The following AVPR2 variants were observed in gnomAD, a reference collection of about 807,000 sequenced individuals.
AVPR2 encodes arginine vasopressin receptor 2.
In AVPR2, 3 loss-of-function variants were observed where a neutral mutation model predicts 12.0. The ratio of observed to expected loss-of-function variants is 0.25; its 90% confidence interval spans 0.11 to 0.64. The LOEUF is 0.64. Among genes scored for constraint, AVPR2 ranks in the 30% least tolerant of loss-of-function variants. AVPR2 has a pLI of 0.84. For missense variants in AVPR2, 279 were observed against 347.9 expected (o/e 0.80, Z 1.58); for synonymous variants, 143 against 147.5 (o/e 0.97, Z 0.22).
rs1329408944 is a variant in AVPR2 at position 153,907,040 on chromosome X, G to T, written c.*312G>T. On this transcript the variant is annotated 3_prime_UTR_variant, in exon 4 of 4. Transcript: ENST00000646375. ...AAAGAGGGAGCAGGTGCCCCCAGGT[G>T]AGACAGCGGTCCCAGGGGCCTGAAA... 4.5e-6 allele frequency: 2 copies of T among 449,121 alleles called. No individual in the cohort carries two copies. Among genetic ancestry groups the T allele is most frequent in the Non-Finnish European group, 8.1e-6 (2 of 246,683 alleles). 37.0% of individuals were successfully genotyped at this position (449,121 alleles called of 1,213,427 possible).
In AVPR2 at chrX:153,905,120, C is replaced by A; in HGVS notation, c.-26C>A. The A allele has an allele frequency of 8.2e-7, 1 of 1,212,225 alleles. No homozygotes were observed. Among genetic ancestry groups the A allele is most frequent in the South Asian group, 1.8e-5 (1 of 57,033 alleles). ...TGAGTCCGCACATCACCTCCAGGCC[C>A]TCAGAACACCTGCCCCAGCCCCACC... On this transcript the variant is annotated 5_prime_UTR_variant, in exon 2 of 4. Coordinates refer to ENST00000646375, the MANE Select transcript of AVPR2 (RefSeq NM_000054.7).
chrX:153,903,841 G>C (rs1312368738), upstream of AVPR2, among the ~76,000 whole-genome samples: 1 of 107,018 alleles, frequency 9.3e-6, no homozygotes, highest in Non-Finnish European at 1.9e-5. Flanking sequence ...GGCTGGCCTC[G>C]GCTGAGCCAA....
Position 153,907,040 on chromosome X carries a change from G to C in AVPR2, c.*312G>C. On this transcript the variant is annotated 3_prime_UTR_variant, in exon 4 of 4. Transcript: ENST00000646375. ...AAAGAGGGAGCAGGTGCCCCCAGGT[G>C]AGACAGCGGTCCCAGGGGCCTGAAA... 2.2e-6 allele frequency: 1 copy of C among 450,556 alleles called. No individual in the cohort carries two copies. The highest frequency in any genetic ancestry group is 4.0e-6 in the Non-Finnish European group (1 of 246,952). The allele number at this position is 450,556 out of a possible 1,213,427, so 37.1% of individuals were successfully genotyped here.
At position 153,905,184 on chromosome X, in the gene AVPR2, C is replaced by A. The variant is rs2064953980; in HGVS notation, c.25+14C>A. ...CCACCACTTCCGGTAAGGCTTGCCCCTCCATGAGTCCGGTGGGCAGAGTGG... is the reference window on the plus strand; with the variant it reads ...CCACCACTTCCGGTAAGGCTTGCCCATCCATGAGTCCGGTGGGCAGAGTGG... On this transcript the variant is annotated intron_variant, in intron 2 of 3. Coordinates refer to ENST00000646375, the MANE Select transcript of AVPR2 (RefSeq NM_000054.7). 8.3e-7 allele frequency: 1 copy of A among 1,211,821 alleles called. No homozygotes were observed. The highest frequency in any genetic ancestry group is 1.1e-6 in the Non-Finnish European group (1 of 895,228).
upstream of AVPR2, among the ~76,000 whole-genome samples, chrX:153,903,418 T>TGGTGTGCAGGTGCATGCAGGTGC (rs1557099804): frequency 2.8e-5 from 3 of 105,577 alleles, no homozygotes; most frequent in Non-Finnish European, 3.9e-5. Flanking sequence ...GCTGTGCGTA[T>TGGTGTGCAGGTGCATGCAGGTGC]GTGGTGTGTA....
At position 153,906,096 on chromosome X, in the gene AVPR2, C is replaced by T. The variant is rs1557100783; in HGVS notation, c.590C>T (p.Ala197Val). ...GTCACTGACTGCTGGGCCTGCTTTG[C>T]GGAGCCCTGGGGCCGTCGCACCTAT... ...SGVTDCWACF[A>V]EPWGRRTYVT... Residue 197 changes from alanine (A) to valine (V), a missense_variant, in exon 3 of 4, where the codon GCG becomes GTG. Ala to Val is a moderately conservative substitution (Grantham distance 64). Coordinates refer to ENST00000646375, the MANE Select transcript of AVPR2 (RefSeq NM_000054.7). 6.6e-6 allele frequency: 8 copies of T among 1,211,093 alleles called. No individual in the cohort carries two copies. Among genetic ancestry groups the T allele is most frequent in the Non-Finnish European group, 7.8e-6 (7 of 895,381 alleles).
chrX:153,905,087 G>T lies in AVPR2; in HGVS notation c.-59G>T. ...CTGGGCCATTGAACTTGCTCCTCAG[G>T]CAGAGGCTGAGTCCGCACATCACCT... is the stretch of plus-strand genomic sequence containing the variant. On this transcript the variant is annotated 5_prime_UTR_variant, in exon 2 of 4. Transcript: ENST00000646375. The T allele has an allele frequency of 8.3e-7, 1 of 1,208,181 alleles. No individual in the cohort carries two copies. Among genetic ancestry groups the T allele is most frequent in the Non-Finnish European group, 1.1e-6 (1 of 892,012 alleles).
Position 153,906,155 on chromosome X carries a change from C to A in AVPR2, c.649C>A (p.Pro217Thr). Residue 217 changes from proline to threonine, a missense_variant, in exon 3 of 4, where the codon CCT becomes ACT. By Grantham distance (38) the Pro-to-Thr change is conservative (BLOSUM62 -1). Transcript: ENST00000646375. The stretch of plus-strand genomic sequence containing the variant: ...GATTGCCCTGATGGTGTTCGTGGCA[C>A]CTACCCTGGGTATCGCCGCCTGCCA... ...TWIALMVFVA[P>T]TLGIAACQVL... is the part of the protein sequence containing the mutation. 1 of 1,212,418 alleles carries A rather than the reference C, an allele frequency of 8.2e-7. No individual in the cohort carries two copies. The highest frequency in any genetic ancestry group is 1.1e-6 in the Non-Finnish European group (1 of 895,611).
Position 153,905,551 on chromosome X carries a change from TCTGCCCAGC to T in AVPR2, c.55_63del (p.Leu19_Ser21del), listed in dbSNP as rs782021693. ...TCCCAGCTGTGCCTGGGCATCCCTCTCTGCCCAGCCTGCCCAGCAACAGCAGCCAGGAGA... is the reference window on the plus strand; with the variant it reads ...TCCCAGCTGTGCCTGGGCATCCCTCTCTGCCCAGCAACAGCAGCCAGGAGA... On this transcript the variant is annotated inframe_deletion, in exon 3 of 4. Coordinates refer to ENST00000646375, the MANE Select transcript of AVPR2 (RefSeq NM_000054.7). 4.2e-6 allele frequency: 5 copies of T among 1,195,218 alleles called. No individual in the cohort carries two copies. The highest frequency in any genetic ancestry group is 5.6e-6 in the Non-Finnish European group (5 of 887,424).
chrX:153,904,107 C>A (rs1181850716), upstream of AVPR2, among the ~76,000 whole-genome samples: 1 of 112,369 alleles, frequency 8.9e-6, no homozygotes, highest in Admixed American at 9.3e-5. Flanking sequence ...AGGTCCCCAG[C>A]CCCTCTTCCT....
At chrX:153,904,821 T>A in intron 1 of AVPR2, 50 bp downstream of exon 1, 1 of 393,702 alleles carries the variant, frequency 2.5e-6, no homozygotes, top group Admixed American at 4.1e-5. Flanking sequence ...AGCCCTCGGA[T>A]GGTGGCCTCT....
chrX:153,905,877 A>T lies in AVPR2; in HGVS notation c.371A>T (p.Tyr124Phe). Residue 124 changes from tyrosine to phenylalanine, a missense_variant, in exon 3 of 4, where the codon TAT becomes TTT. Physicochemically the swap from Tyr to Phe is conservative, Grantham distance 22 (BLOSUM62 3). Transcript: ENST00000646375. ...AVKYLQMVGM[Y>F]ASSYMILAMT... ...AAGTATCTGCAGATGGTGGGCATGTATGCCTCCTCCTACATGATCCTGGCC... is the reference window on the plus strand; with the variant it reads ...AAGTATCTGCAGATGGTGGGCATGTTTGCCTCCTCCTACATGATCCTGGCC... 8.3e-7 allele frequency: 1 copy of T among 1,204,237 alleles called. No individual in the cohort carries two copies. Among genetic ancestry groups the T allele is most frequent in the Non-Finnish European group, 1.1e-6 (1 of 895,574 alleles).
chrX:153,905,971 C>T lies in AVPR2; in HGVS notation c.465C>T (p.His155=). 2 of 1,205,109 alleles carry T rather than the reference C, an allele frequency of 1.7e-6. No individual in the cohort carries two copies. Among genetic ancestry groups the T allele is most frequent in the Non-Finnish European group, 2.2e-6 (2 of 895,662 alleles). Residue 155 remains histidine (H), a synonymous_variant, in exon 3 of 4, where the codon CAC becomes CAT. Transcript: ENST00000646375. ...MLAYRHGSGA[H]WNRPVLVAWA... is the part of the protein sequence containing the mutation. ...CGTACCGCCATGGAAGTGGGGCTCA[C>T]TGGAACCGGCCGGTGCTAGTGGCTT...
At chrX:153,903,700 G>A (rs2064945195), upstream of AVPR2, among the ~76,000 whole-genome samples, 1 of 111,954 alleles carries the variant, frequency 8.9e-6, no homozygotes, top group Non-Finnish European at 1.9e-5. Flanking sequence ...TCTCTGGGCA[G>A]GAAGAGGAGG....
At chrX:153,904,834 C>T (rs900449354) in intron 1 of AVPR2, 63 bp downstream of exon 1, 74 of 405,915 alleles carry the variant, frequency 1.8e-4, no homozygotes, top group Non-Finnish European at 2.1e-4. Flanking sequence ...TGGCCTCTCT[C>T]GGCCTCGGTT....
Position 153,904,992 on chromosome X carries a change from C to CA in AVPR2, c.-154_-153insA, listed in dbSNP as rs782472424. On this transcript the variant is annotated 5_prime_UTR_variant, in exon 2 of 4. The change creates a premature stop within an existing upstream ORF in the 5' untranslated region. Transcript: ENST00000646375. ...TGCCCAGGACTGGCCATACTGCCAC[C>CA]GACACGTGCACACACGCCAACAGGC... 7.5e-6 allele frequency: 4 copies of CA among 533,179 alleles called. No homozygotes were observed. The highest frequency in any genetic ancestry group is 5.3e-5 in the South Asian group (2 of 38,024). The allele number at this position is 533,179 out of a possible 1,213,427, so 43.9% of individuals were successfully genotyped here.
upstream of AVPR2, among the ~76,000 whole-genome samples, chrX:153,903,444 T>TA (rs1253770053): frequency 2.2e-3 from 4 of 1,778 alleles, no homozygotes; most frequent in Non-Finnish European, 3.5e-3. Context: ...GTGTGGTGGG[T>TA]ACATGTGTGG....
upstream of AVPR2, chrX:153,902,986 A>T (rs1419177296): frequency 4.2e-6 from 1 of 237,167 alleles, no homozygotes; most frequent in African/African-American, 2.9e-5. Context: ...CCATCTTACC[A>T]CCGTAGTCTC....
rs13306213 is a variant in AVPR2, at chrX:153,906,052, C to T, written c.546C>T (p.Asn182=). 110 of 1,210,591 alleles carry T rather than the reference C, an allele frequency of 9.1e-5. No individual in the cohort carries two copies. In the Middle Eastern group the frequency reaches 1.4e-3, roughly 15 times the overall value. Residue 182 remains asparagine, a synonymous_variant, in exon 3 of 4, where the codon AAC becomes AAT. Transcript: ENST00000646375. ...AGCTCTTCATCTTCGCCCAGCGCAA[C>T]GTGGAAGGTGGCAGCGGGGTCACTG... ...LPQLFIFAQR[N]VEGGSGVTDC...
Sources: gnomAD v4.1 joint callset for allele counts (sites outside exome capture counted in the v4.1 genomes callset) on GRCh38, gnomAD v4.1.1 for gene constraint, MANE v1.5 for transcripts, NCBI Gene and HGNC (gene_info 2026-07-23, HGNC 2026-07-21) for gene names.